The following GPLD1 variants were observed in gnomAD, a reference collection of about 807,000 sequenced individuals.
GPLD1 encodes the protein phosphatidylinositol-glycan-specific phospholipase D.
GPLD1 carries 84 observed loss-of-function variants against 112.6 expected under a neutral mutation model. That is an observed-to-expected ratio of 0.75 (90% CI 0.63 to 0.89). The LOEUF is 0.89. GPLD1 is among the 40% of genes least tolerant of loss of function. The pLI, the probability that GPLD1 is intolerant of heterozygous loss-of-function variation, is 0.00. For missense variants in GPLD1, 1,044 were observed against 1,051.5 expected (o/e 0.99, Z 0.10); for synonymous variants, 386 against 403.8 (o/e 0.96, Z 0.53).
chr6:24,469,771 AG>A (rs1763736740), intron 7 of GPLD1, among the ~76,000 whole-genome samples: 2 of 131,766 alleles, frequency 1.5e-5, no homozygotes, highest in Non-Finnish European at 1.8e-5. Flanking sequence ...TAAAACTTAA[AG>A]TATAATAAAA....
chr6:24,448,612 A>T (rs546472192), intron 15 of GPLD1, among the ~76,000 whole-genome samples: 1 of 152,172 alleles, frequency 6.6e-6, no homozygotes, highest in Non-Finnish European at 1.5e-5. Context: ...TGCCTCCCTG[A>T]TGTCTTACTC....
At chr6:24,478,439 A>C (rs528943002) in intron 3 of GPLD1, among the ~76,000 whole-genome samples, 18 of 152,232 alleles carry the variant, frequency 1.2e-4, no homozygotes, top group South Asian at 1.0e-3. Flanking sequence ...GAATGGGATA[A>C]TAGCAGATGA....
chr6:24,446,122 G>A (rs929982840), intron 18 of GPLD1, among the ~76,000 whole-genome samples: 3 of 151,952 alleles, frequency 2.0e-5, no homozygotes, highest in Admixed American at 6.6e-5. Context: ...TGGTCCCCCC[G>A]ATCCCTACAC....
At chr6:24,447,688 G>C (rs1312146189) in intron 17 of GPLD1, among the ~76,000 whole-genome samples, 189 bp downstream of exon 17, 1 of 152,110 alleles carries the variant, frequency 6.6e-6, no homozygotes, top group Non-Finnish European at 1.5e-5. Flanking sequence ...GAAACTGTGG[G>C]TCACCTTTTG....
intron 7 of GPLD1, among the ~76,000 whole-genome samples, chr6:24,467,552 T>C (rs1187427428): frequency 6.6e-6 from 1 of 152,234 alleles, no homozygotes; most frequent in African/African-American, 2.4e-5. Flanking sequence ...CAAATATTTA[T>C]GTAGGTATAC....
chr6:24,443,381 G>C (rs969624064), intron 20 of GPLD1, among the ~76,000 whole-genome samples: 3 of 152,082 alleles, frequency 2.0e-5, no homozygotes, highest in Non-Finnish European at 4.4e-5. Context: ...TTATTAACAG[G>C]CTTCAGATGT....
intron 24 of GPLD1, among the ~76,000 whole-genome samples, chr6:24,431,884 T>A (rs1762416074): frequency 6.6e-6 from 1 of 152,116 alleles, no homozygotes; most frequent in East Asian, 1.9e-4. Flanking sequence ...TGTGTACACT[T>A]TTAGATCTAG....
intron 3 of GPLD1, among the ~76,000 whole-genome samples, chr6:24,476,553 C>T (rs1275126280): frequency 6.6e-6 from 1 of 152,160 alleles, no homozygotes; most frequent in Non-Finnish European, 1.5e-5. Context: ...AGCCCGGCTA[C>T]CTGGTTAGAA....
intron 22 of GPLD1, among the ~76,000 whole-genome samples, chr6:24,434,981 T>C (rs995836747): frequency 6.6e-6 from 1 of 151,644 alleles, no homozygotes; most frequent in Non-Finnish European, 1.5e-5. Context: ...AGATCTTTAA[T>C]TTTTTTAATC....
In GPLD1 at chr6:24,476,275, T is replaced by C; in HGVS notation, c.236A>G (p.Lys79Arg). 6.6e-7 allele frequency: 1 copy of C among 1,519,832 alleles called. No individual in the cohort carries two copies. The highest frequency in any genetic ancestry group is 9.0e-7 in the Non-Finnish European group (1 of 1,112,198). The allele number at this position is 1,519,832 out of a possible 1,614,324, so 94.1% of individuals were successfully genotyped here. A position where few individuals can be genotyped will look rare whatever the true frequency, so the allele number is the denominator to read the frequency against. Reference sequence around the variant, plus strand: ...AGTGCTCTCAGACACATCATGGAATTTTCCTGACAAAACAAAAGCAGGGCT... The same window carrying C: ...AGTGCTCTCAGACACATCATGGAATCTTCCTGACAAAACAAAAGCAGGGCT... ...CFYPSICKGGKFHDVSESTHW... is the reference protein window; with the variant it reads ...CFYPSICKGGRFHDVSESTHW... Residue 79 changes from lysine to arginine, a missense_variant, in exon 4 of 25, where the codon AAA (lysine) becomes AGA (arginine). Transcript: ENST00000230036.
At chr6:24,430,802 C>A (rs1246920265) in intron 24 of GPLD1, among the ~76,000 whole-genome samples, 1 of 152,106 alleles carries the variant, frequency 6.6e-6, no homozygotes, top group Non-Finnish European at 1.5e-5. Context: ...ACACCCAGAG[C>A]GTTCAATGCC....
intron 4 of GPLD1, 110 bp downstream of exon 4, chr6:24,476,071 A>G: frequency 1.6e-6 from 1 of 625,434 alleles, no homozygotes; most frequent in Non-Finnish European, 2.9e-6. Flanking sequence ...CTGAAGGTGG[A>G]ATGGTGGGCA....
rs552382375 is a variant in GPLD1 at position 24,427,707 on chromosome 6, G to A, written c.*1325C>T. Among the ~76,000 whole-genome samples the A allele has an allele frequency of 1.4e-4, 21 of 151,990 alleles. No homozygotes were observed. In the South Asian group the frequency reaches 2.5e-3, roughly 18 times the overall value. The stretch of plus-strand genomic sequence containing the variant: ...CTAAAAATACAAAAATTAGCCGGGC[G>A]TAGTATTGTGCACCTGTAGTCCCAG... On this transcript the variant is annotated 3_prime_UTR_variant, in exon 25 of 25. Coordinates refer to ENST00000230036, the MANE Select transcript of GPLD1 (RefSeq NM_001503.4).
intron 14 of GPLD1, among the ~76,000 whole-genome samples, chr6:24,452,904 T>C (rs1305885799): frequency 6.6e-6 from 1 of 151,976 alleles, no homozygotes; most frequent in Non-Finnish European, 1.5e-5. Context: ...AAGTCTAGGG[T>C]TCTCCCCCTA....
At position 24,428,936 on chromosome 6, in the gene GPLD1, C is replaced by T. The variant is rs1762319836; in HGVS notation, c.*96G>A. Reference sequence around the variant, plus strand: ...CCATGTCTATCAGGATCTACCACCGCTCCACTGGATGTGCCACTTTGTCCA... The same window carrying T: ...CCATGTCTATCAGGATCTACCACCGTTCCACTGGATGTGCCACTTTGTCCA... On this transcript the variant is annotated 3_prime_UTR_variant, in exon 25 of 25. Transcript: ENST00000230036. The T allele has an allele frequency of 1.3e-6, 1 of 762,956 alleles. No homozygotes were observed. Among genetic ancestry groups the T allele is most frequent in the African/African-American group, 1.7e-5 (1 of 57,736 alleles). 47.3% of individuals were successfully genotyped at this position (762,956 alleles called of 1,614,324 possible).
chr6:24,459,733 T>C (rs962087428), intron 12 of GPLD1, among the ~76,000 whole-genome samples: 4 of 152,216 alleles, frequency 2.6e-5, no homozygotes, highest in African/African-American at 9.6e-5. Context: ...GCTAACTTCA[T>C]TGATTAATTT....
At chr6:24,444,630 T>C (rs959457591) in intron 20 of GPLD1, among the ~76,000 whole-genome samples, 2 of 152,174 alleles carry the variant, frequency 1.3e-5, no homozygotes, top group South Asian at 2.1e-4. Context: ...GTGGGAGGAT[T>C]ACTTGAGCCC....
chr6:24,467,150 C>T lies in GPLD1; in HGVS notation c.653+17G>A, dbSNP rs764720904. On this transcript the variant is annotated intron_variant, in intron 8 of 24. Transcript: ENST00000230036. The stretch of plus-strand genomic sequence containing the variant: ...ACAACAAAATCAGCTGCAAATTGTC[C>T]TCTGAGTTACGCTTACATTTCTAAG... 48 of 1,395,138 alleles carry T rather than the reference C, an allele frequency of 3.4e-5. No homozygotes were observed. In the Admixed American group the frequency reaches 7.1e-4, roughly 21 times the overall value. The allele number at this position is 1,395,138 out of a possible 1,614,324, so 86.4% of individuals were successfully genotyped here. A position where few individuals can be genotyped will look rare whatever the true frequency, so the allele number is the denominator to read the frequency against.
chr6:24,479,937 G>A lies in GPLD1; in HGVS notation c.176C>T (p.Ala59Val), dbSNP rs775147748. The change falls in exon 3 of 25, where the codon GCG (alanine) becomes GTG (valine). Residue 59 changes from alanine (A) to valine (V), a missense_variant. Transcript: ENST00000230036. Reference sequence around the variant, plus strand: ...AGGAAACACGATTCCAGCCTGATACGCATCCTGGTGTTCTAGTAACAGCTG... The same window carrying A: ...AGGAAACACGATTCCAGCCTGATACACATCCTGGTGTTCTAGTAACAGCTG... The part of the protein sequence containing the change: ...YRELLLEHQD[A>V]YQAGIVFPDC... 34 of 1,607,224 alleles carry A rather than the reference G, an allele frequency of 2.1e-5. No homozygotes were observed. The highest frequency in any genetic ancestry group is 4.5e-5 in the East Asian group (2 of 44,858).
Sources: allele counts gnomAD v4.1 joint callset (sites outside exome capture counted in the v4.1 genomes callset), GRCh38; gene constraint gnomAD v4.1.1; transcripts MANE v1.5; gene names NCBI Gene and HGNC (gene_info 2026-07-23, HGNC 2026-07-21).